BANK1: variants seen among roughly 807,000 people sequenced by gnomAD.
BANK1 encodes B-cell scaffold protein with ankyrin repeats.
In BANK1, 95 loss-of-function variants were observed where a neutral mutation model predicts 94.5. That is an observed-to-expected ratio of 1.00 (90% CI 0.85 to 1.19). The LOEUF (loss-of-function observed/expected upper bound fraction) is 1.19. BANK1 is among the 50% of genes most tolerant of loss of function. BANK1 has a pLI of 0.00. For missense variants in BANK1, 987 were observed against 932.2 expected (o/e 1.06, Z -0.77); for synonymous variants, 334 against 308.4 (o/e 1.08, Z -0.87).
At chr4:101,855,266 A>G in intron 3 of BANK1, 77 bp downstream of exon 3, 1 of 1,439,160 alleles carries the variant, frequency 6.9e-7, no homozygotes, top group East Asian at 2.3e-5. Context: ...GTTTGGAGAG[A>G]CAGGGTCTCA....
intron 3 of BANK1, among the ~76,000 whole-genome samples, chr4:101,857,426 C>G (rs1246055721): frequency 6.6e-6 from 1 of 152,184 alleles, no homozygotes; most frequent in Non-Finnish European, 1.5e-5. Flanking sequence ...TTTCCTGCTG[C>G]TGCCTCTTGC....
intron 7 of BANK1, among the ~76,000 whole-genome samples, chr4:101,939,523 G>A (rs1341720168): frequency 6.6e-6 from 1 of 151,668 alleles, no homozygotes; most frequent in Admixed American, 6.6e-5. Flanking sequence ...ACCTGGAAAC[G>A]TGTTTCTGAA....
intron 1 of BANK1, among the ~76,000 whole-genome samples, chr4:101,827,356 T>C (rs1560590131): frequency 2.6e-5 from 4 of 151,906 alleles, no homozygotes. Context: ...TTTTAGATTA[T>C]TTATTATTGT....
At chr4:101,995,498 C>T (rs1433984412) in intron 7 of BANK1, among the ~76,000 whole-genome samples, 96 of 152,158 alleles carry the variant, frequency 6.3e-4, no homozygotes, top group African/African-American at 2.2e-3. Flanking sequence ...ATTTCCAGTT[C>T]TAGATCCCTG....
chr4:101,863,676 A>G (rs1330338584), intron 4 of BANK1, among the ~76,000 whole-genome samples: 3 of 152,136 alleles, frequency 2.0e-5, no homozygotes, highest in African/African-American at 7.2e-5. Flanking sequence ...AACATTTCAG[A>G]CACTGCTTTC....
chr4:101,988,814 G>A (rs965983742), intron 7 of BANK1, among the ~76,000 whole-genome samples: 18 of 152,086 alleles, frequency 1.2e-4, no homozygotes, highest in Non-Finnish European at 2.6e-4. Flanking sequence ...TTCAAAACTA[G>A]AACTGATCCA....
rs1189738526 is a variant in BANK1 at position 102,060,331 on chromosome 4, C to G, written c.2090C>G (p.Ala697Gly). 6.2e-7 allele frequency: 1 copy of G among 1,610,850 alleles called. No individual in the cohort carries two copies. The highest frequency in any genetic ancestry group is 8.5e-7 in the Non-Finnish European group (1 of 1,178,872). The change falls in exon 12 of 17, where the codon GCT becomes GGT. Residue 697 changes from alanine to glycine, a missense_variant. Transcript: ENST00000322953. Reference protein sequence around the residue: ...VKNGKMSMDEALEKFKHWQMG... With the variant: ...VKNGKMSMDEGLEKFKHWQMG... ...AATGGGAAAATGTCTATGGATGAAG[C>G]TCTGGAGAAATTTAAACACTGGCAG...
intron 7 of BANK1, among the ~76,000 whole-genome samples, chr4:101,983,862 A>G (rs1725399552): frequency 6.6e-6 from 1 of 152,088 alleles, no homozygotes; most frequent in Admixed American, 6.6e-5. Flanking sequence ...AATCCAAATA[A>G]CATATTGGAT....
chr4:101,860,873 A>G (rs1218101498), intron 3 of BANK1, among the ~76,000 whole-genome samples: 1 of 152,238 alleles, frequency 6.6e-6, no homozygotes, highest in East Asian at 1.9e-4. Context: ...CACACACAGG[A>G]AAGATCTTTG....
intron 7 of BANK1, among the ~76,000 whole-genome samples, chr4:101,928,646 C>A (rs1723241202): frequency 6.6e-6 from 1 of 151,690 alleles, no homozygotes; most frequent in African/African-American, 2.4e-5. Context: ...AATGAGAACT[C>A]TCTATTATAA....
intron 10 of BANK1, among the ~76,000 whole-genome samples, chr4:102,043,564 T>C (rs1005135954): frequency 1.3e-5 from 2 of 152,030 alleles, no homozygotes; most frequent in African/African-American, 2.4e-5. Flanking sequence ...TTACCTGATA[T>C]CAAAATGGAA....
At chr4:101,893,238 T>C (rs567078917) in intron 5 of BANK1, among the ~76,000 whole-genome samples, 1 of 152,122 alleles carries the variant, frequency 6.6e-6, no homozygotes, top group South Asian at 2.1e-4. Flanking sequence ...CCATGAGAAA[T>C]GGTAGTTTTC....
intron 11 of BANK1, among the ~76,000 whole-genome samples, chr4:102,058,073 A>G (rs2148962605): frequency 6.6e-6 from 1 of 152,216 alleles, no homozygotes; most frequent in South Asian, 2.1e-4. Flanking sequence ...TTAAATGACT[A>G]CGTGATTTTT....
chr4:101,803,026 G>C lies in BANK1; in HGVS notation c.70+12076G>C, dbSNP rs190720671. 3.9e-3 allele frequency among the ~76,000 whole-genome samples: 593 copies of C among 152,312 alleles called. 3 individuals are homozygous for C. The highest frequency in any genetic ancestry group is 7.2e-3 in the Non-Finnish European group (490 of 68,026). On this transcript the variant is annotated intron_variant, in intron 1 of 16. Coordinates refer to ENST00000322953, the MANE Select transcript of BANK1 (RefSeq NM_017935.5). ...AATATGCATATTAGGATATTTAAAT[G>C]TGTGAGAGATTCTGCAACAATGTCT...
intron 7 of BANK1, among the ~76,000 whole-genome samples, chr4:101,992,471 C>A (rs1428039694): frequency 6.6e-6 from 1 of 151,980 alleles, no homozygotes; most frequent in Non-Finnish European, 1.5e-5. Flanking sequence ...AATTTTTTTA[C>A]CATTATCTTA....
At chr4:101,799,982 G>A (rs1725301014) in intron 1 of BANK1, among the ~76,000 whole-genome samples, 1 of 152,034 alleles carries the variant, frequency 6.6e-6, no homozygotes, top group African/African-American at 2.4e-5. Flanking sequence ...TCCTTTGTAG[G>A]GACATGGATG....
chr4:101,854,017 G>A (rs1727590556), intron 2 of BANK1, among the ~76,000 whole-genome samples: 1 of 152,148 alleles, frequency 6.6e-6, no homozygotes, highest in African/African-American at 2.4e-5. Context: ...TTTCGATGTT[G>A]TTGGTGCTCA....
chr4:101,838,475 AT>A lies in BANK1; in HGVS notation c.469+8278del, dbSNP rs201416654. 9.3e-5 allele frequency among the ~76,000 whole-genome samples: 14 copies of A among 151,180 alleles called. No homozygotes were observed. The East Asian group carries it at 9.7e-4, about 10-fold the overall frequency. ...TCCTCTTTATTTTTGCTAAAAGCTG[AT>A]TTTTTTTTAACATTTCAATTCCACA... On this transcript the variant is annotated intron_variant, in intron 2 of 16. Transcript: ENST00000322953.
rs116316898 is a variant in BANK1 at position 102,023,801 on chromosome 4, T to C, written c.1286-1400T>C. On this transcript the variant is annotated intron_variant, in intron 8 of 16. Coordinates refer to ENST00000322953, the MANE Select transcript of BANK1 (RefSeq NM_017935.5). Reference sequence around the variant, plus strand: ...ATAATTTCCTATAGCGTGAATGTAATTCTGAGTTGATGACTGATTTGCCCA... The same window carrying C: ...ATAATTTCCTATAGCGTGAATGTAACTCTGAGTTGATGACTGATTTGCCCA... Among the ~76,000 whole-genome samples, 223 of 152,336 alleles carry C rather than the reference T, an allele frequency of 1.5e-3. 2 individuals carry two copies. Among genetic ancestry groups the C allele is most frequent in the Non-Finnish European group, 2.3e-3 (156 of 68,018 alleles).
Sources: gnomAD v4.1 joint callset for allele counts (sites outside exome capture counted in the v4.1 genomes callset) on GRCh38, gnomAD v4.1.1 for gene constraint, MANE v1.5 for transcripts, NCBI Gene and HGNC (gene_info 2026-07-23, HGNC 2026-07-21) for gene names.